Variants in EPHA3 observed in about 807,000 individuals in gnomAD.
EPHA3 encodes EPH receptor A3.
A neutral mutation model predicts 107.1 loss-of-function variants in EPHA3; 42 were observed. The observed-to-expected ratio is 0.39, with a 90% CI of 0.31 to 0.51. The LOEUF is 0.51. Among genes scored for constraint, EPHA3 ranks in the 20% least tolerant of loss-of-function variants. EPHA3 has a pLI of 0.78. For synonymous variants in EPHA3, 461 were observed against 424.8 expected, an observed-to-expected ratio of 1.09 and a Z score of -1.05; for missense variants, 1,183 against 1,211.2, an observed-to-expected ratio of 0.98 and a Z score of 0.35.
intron 15 of EPHA3, among the ~76,000 whole-genome samples, chr3:89,466,961 C>T (rs1710290907): frequency 2.0e-5 from 3 of 152,062 alleles, no homozygotes; most frequent in Non-Finnish European, 4.4e-5. Flanking sequence ...GTCCTTAAGG[C>T]CTAGAGATAA....
chr3:89,154,116 T>G (rs1287673879), intron 2 of EPHA3, among the ~76,000 whole-genome samples: 1 of 151,876 alleles, frequency 6.6e-6, no homozygotes, highest in Non-Finnish European at 1.5e-5. Context: ...TATTTTAAAT[T>G]GCATTTACTG....
At chr3:89,203,228 T>C (rs1027588995) in intron 2 of EPHA3, among the ~76,000 whole-genome samples, 1 of 151,238 alleles carries the variant, frequency 6.6e-6, no homozygotes, top group African/African-American at 2.4e-5. Flanking sequence ...TAGAATCACC[T>C]AGGTTTTTTT....
At chr3:89,431,481 A>C in intron 13 of EPHA3, 122 bp downstream of exon 13, 1 of 672,472 alleles carries the variant, frequency 1.5e-6, no homozygotes, top group South Asian at 2.5e-5. Context: ...ACAATAGAAA[A>C]CATATCTTAA....
At chr3:89,329,371 CA>C (rs1220667703) in intron 3 of EPHA3, among the ~76,000 whole-genome samples, 4 of 152,082 alleles carry the variant, frequency 2.6e-5, no homozygotes, top group East Asian at 1.9e-4. Context: ...ATAAAGTGAA[CA>C]AAAATGGCAG....
chr3:89,176,821 T>C (rs1183455074), intron 2 of EPHA3, among the ~76,000 whole-genome samples: 2 of 152,194 alleles, frequency 1.3e-5, no homozygotes, highest in African/African-American at 4.8e-5. Context: ...GGAAAATGAA[T>C]TGAAGAAAAT....
intron 2 of EPHA3, among the ~76,000 whole-genome samples, chr3:89,164,708 A>G (rs1705025423): frequency 6.6e-6 from 1 of 152,200 alleles, no homozygotes; most frequent in Admixed American, 6.5e-5. Context: ...AGATTATTCA[A>G]TGAAAGTATA....
chr3:89,293,840 C>A (rs1358840439), intron 3 of EPHA3, among the ~76,000 whole-genome samples: 1 of 152,136 alleles, frequency 6.6e-6, no homozygotes, highest in Admixed American at 6.6e-5. Flanking sequence ...TTCTTTATAG[C>A]AGTGTGAAAA....
intron 14 of EPHA3, 28 bp from the exon 15 acceptor site, chr3:89,450,131 CTTCCTGAAAACTTCCTGG>C: frequency 6.7e-7 from 1 of 1,490,934 alleles, no homozygotes; most frequent in Middle Eastern, 1.8e-4. Flanking sequence ...CTAAGTGACA[CTTCCTGAAAACTTCCTGG>C]TTCCTGAAAA....
intron 2 of EPHA3, among the ~76,000 whole-genome samples, chr3:89,167,604 T>C (rs1705102797): frequency 6.6e-6 from 1 of 152,148 alleles, no homozygotes; most frequent in African/African-American, 2.4e-5. Context: ...TTTAAGGTAG[T>C]TGTCTCTGTT....
intron 3 of EPHA3, among the ~76,000 whole-genome samples, chr3:89,239,877 A>C (rs1225465256): frequency 2.0e-5 from 3 of 152,118 alleles, no homozygotes. Context: ...ATAATAGTTG[A>C]GGTAGTGCAA....
chr3:89,290,906 T>C (rs1433391720), intron 3 of EPHA3, among the ~76,000 whole-genome samples: 1 of 152,198 alleles, frequency 6.6e-6, no homozygotes, highest in Non-Finnish European at 1.5e-5. Context: ...TTGTTTGTTA[T>C]GTATTTTTAA....
Position 89,210,196 on chromosome 3 carries a change from C to T in EPHA3, c.490C>T (p.Leu164Phe), listed in dbSNP as rs1164159108. Residue 164 changes from leucine to phenylalanine, a missense_variant, in exon 3 of 17, where the codon CTC (leucine) becomes TTC (phenylalanine). By Grantham distance (22) the Leu-to-Phe change is conservative. Coordinates refer to ENST00000336596, the MANE Select transcript of EPHA3 (RefSeq NM_005233.6). ...QMDLGDRILKLNTEIREVGPV... is the reference protein window; with the variant it reads ...QMDLGDRILKFNTEIREVGPV... ...GGATCTTGGGGACCGTATTCTGAAGCTCAACACTGAGATTAGAGAAGTAGG... is the reference window on the plus strand; with the variant it reads ...GGATCTTGGGGACCGTATTCTGAAGTTCAACACTGAGATTAGAGAAGTAGG... The T allele has an allele frequency of 6.2e-7, 1 of 1,613,994 alleles. No individual in the cohort carries two copies.
At chr3:89,415,493 A>ATATAT (rs1559687639) in intron 10 of EPHA3, among the ~76,000 whole-genome samples, 18 of 93,420 alleles carry the variant, frequency 1.9e-4, no homozygotes, top group African/African-American at 8.1e-4. Context: ...TATATATATA[A>ATATAT]GCTAATTCTC....
intron 3 of EPHA3, among the ~76,000 whole-genome samples, chr3:89,334,990 C>T (rs991851468): frequency 6.6e-6 from 1 of 152,138 alleles, no homozygotes; most frequent in African/African-American, 2.4e-5. Flanking sequence ...AAAAACGTAT[C>T]TTGCAACTCC....
chr3:89,414,155 T>C (rs1346688210), intron 10 of EPHA3, among the ~76,000 whole-genome samples: 1 of 151,658 alleles, frequency 6.6e-6, no homozygotes, highest in Admixed American at 6.6e-5. Context: ...TTATGAGTGA[T>C]GTGTCTTTAC....
intron 5 of EPHA3, among the ~76,000 whole-genome samples, chr3:89,386,599 A>C (rs567243691): frequency 1.3e-5 from 2 of 152,210 alleles, no homozygotes; most frequent in Non-Finnish European, 2.9e-5. Flanking sequence ...AGGGCAGTGC[A>C]GTAGGGAAAT....
chr3:89,413,076 A>C, intron 9 of EPHA3, 65 bp from the exon 10 acceptor site: 2 of 1,596,744 alleles, frequency 1.3e-6, no homozygotes, highest in Non-Finnish European at 1.7e-6. Context: ...ATGCCATAAA[A>C]TTTGATCTAT....
intron 3 of EPHA3, among the ~76,000 whole-genome samples, chr3:89,262,646 G>A (rs1383847837): frequency 4.6e-5 from 7 of 152,226 alleles, no homozygotes; most frequent in Admixed American, 3.9e-4. Flanking sequence ...CGCATGATGC[G>A]TGACAGGGGT....
chr3:89,372,391 A>G (rs1222113768), intron 5 of EPHA3, among the ~76,000 whole-genome samples: 1 of 151,634 alleles, frequency 6.6e-6, no homozygotes, highest in Non-Finnish European at 1.5e-5. Flanking sequence ...TCAAGCCTTT[A>G]TATTCCAAGA....
Sources: allele counts gnomAD v4.1 joint callset (sites outside exome capture counted in the v4.1 genomes callset), GRCh38; gene constraint gnomAD v4.1.1; transcripts MANE v1.5; gene names NCBI Gene and HGNC (gene_info 2026-07-23, HGNC 2026-07-21).